XRCC4: variants seen among roughly 807,000 people sequenced by gnomAD.
XRCC4 encodes the protein X-ray repair cross complementing 4, also known as DNA repair protein XRCC4.
XRCC4 carries 28 observed loss-of-function variants against 39.1 expected under a neutral mutation model. That is an observed-to-expected ratio of 0.72 (90% CI 0.53 to 0.98). XRCC4 has a LOEUF of 0.98. XRCC4 is among the 50% of genes least tolerant of loss of function. XRCC4 has a pLI of 0.00. For missense variants in XRCC4, 350 were observed against 376.4 expected (o/e 0.93, Z 0.58); for synonymous variants, 123 against 126.4 (o/e 0.97, Z 0.18).
chr5:83,143,448 TA>T (rs1389973719), intron 3 of XRCC4, among the ~76,000 whole-genome samples: 2 of 152,100 alleles, frequency 1.3e-5, no homozygotes, highest in South Asian at 2.1e-4. Flanking sequence ...CAATCTAAAC[TA>T]AAAAAATAAA....
chr5:83,299,374 TGTA>T (rs1420262207), intron 7 of XRCC4, among the ~76,000 whole-genome samples: 1 of 152,122 alleles, frequency 6.6e-6, no homozygotes, highest in East Asian at 1.9e-4. Flanking sequence ...TACAACAAAA[TGTA>T]GGTTTCTTTT....
the XRCC4 span, among the ~76,000 whole-genome samples, chr5:83,363,532 G>A: frequency 4.6e-5 from 7 of 152,210 alleles, no homozygotes; most frequent in East Asian, 1.9e-4. Flanking sequence ...TGTGTAATCC[G>A]CCGATGCTAT....
At chr5:83,332,508 GTATT>G (rs1561479577) in intron 7 of XRCC4, among the ~76,000 whole-genome samples, 1 of 152,140 alleles carries the variant, frequency 6.6e-6, no homozygotes, top group Non-Finnish European at 1.5e-5. Context: ...TGCTTGCTAA[GTATT>G]TGTCAATCAA....
Position 83,148,134 on chromosome 5 carries a change from A to G in XRCC4, c.315+36931A>G, listed in dbSNP as rs79410360. ...AACTTTAATCAGTTTTAATTTATCA[A>G]TTAAAAATTAATTGATTAAAAAGCA... On this transcript the variant is annotated intron_variant, in intron 3 of 7. Coordinates refer to ENST00000396027, the MANE Select transcript of XRCC4 (RefSeq NM_003401.5). Among the ~76,000 whole-genome samples, 579 of 152,338 alleles carry G rather than the reference A, an allele frequency of 3.8e-3. 3 individuals carry two copies. The highest frequency in any genetic ancestry group is 0.012 in the African/African-American group (512 of 41,578).
At chr5:83,312,383 T>C (rs1755737573) in intron 7 of XRCC4, among the ~76,000 whole-genome samples, 2 of 152,174 alleles carry the variant, frequency 1.3e-5, no homozygotes, top group African/African-American at 4.8e-5. Context: ...CTAGGCACTA[T>C]CATTCCCTAT....
chr5:83,118,177 A>G (rs1746833099), intron 3 of XRCC4, among the ~76,000 whole-genome samples: 1 of 152,014 alleles, frequency 6.6e-6, no homozygotes, highest in Admixed American at 6.5e-5. Flanking sequence ...CATTTCCCCT[A>G]CTACTTAAAT....
intron 1 of XRCC4, among the ~76,000 whole-genome samples, chr5:83,079,633 A>G (rs1580186561): frequency 1.3e-5 from 2 of 152,090 alleles, no homozygotes; most frequent in East Asian, 3.9e-4. Flanking sequence ...GGCAGAAGCG[A>G]TCTATCCTCC....
At chr5:83,120,348 A>T (rs1467034291) in intron 3 of XRCC4, among the ~76,000 whole-genome samples, 2 of 152,202 alleles carry the variant, frequency 1.3e-5, no homozygotes, top group Non-Finnish European at 2.9e-5. Flanking sequence ...AAACAATTAA[A>T]TGTACTTATG....
At chr5:83,358,657 T>C (rs1023981652), downstream of XRCC4, among the ~76,000 whole-genome samples, 1 of 152,208 alleles carries the variant, frequency 6.6e-6, no homozygotes, top group Non-Finnish European at 1.5e-5. Flanking sequence ...AAATGGAATA[T>C]AGACCAGTCT....
At chr5:83,304,094 T>C (rs778286087) in intron 7 of XRCC4, among the ~76,000 whole-genome samples, 2 of 151,950 alleles carry the variant, frequency 1.3e-5, no homozygotes, top group Non-Finnish European at 2.9e-5. Context: ...ACAGATATGA[T>C]CTGAAACTGT....
At chr5:83,174,313 G>A (rs999992778) in intron 3 of XRCC4, among the ~76,000 whole-genome samples, 6 of 152,104 alleles carry the variant, frequency 3.9e-5, no homozygotes, top group African/African-American at 1.4e-4. Context: ...CCTTTTGAGT[G>A]ATACAATCAA....
intron 7 of XRCC4, among the ~76,000 whole-genome samples, chr5:83,278,807 G>A (rs1478626137): frequency 1.3e-5 from 2 of 151,378 alleles, no homozygotes; most frequent in Non-Finnish European, 2.9e-5. Context: ...GCAACATGGC[G>A]AAACCCTGTC....
intron 2 of XRCC4, 62 bp downstream of exon 2, chr5:83,105,120 G>T: frequency 6.7e-7 from 1 of 1,484,688 alleles, no homozygotes; most frequent in Non-Finnish European, 9.0e-7. Flanking sequence ...CAGTCCTCAG[G>T]GATACTTTTC....
intron 7 of XRCC4, among the ~76,000 whole-genome samples, chr5:83,285,947 T>G (rs534189346): frequency 7.9e-5 from 12 of 152,254 alleles, no homozygotes; most frequent in African/African-American, 2.9e-4. Flanking sequence ...TATTCCTTTT[T>G]TCAAAGTTTA....
chr5:83,256,093 A>G (rs1293723542), intron 6 of XRCC4, among the ~76,000 whole-genome samples: 1 of 152,206 alleles, frequency 6.6e-6, no homozygotes, highest in African/African-American at 2.4e-5. Flanking sequence ...GTCATTCAGT[A>G]TACTGATTAG....
intron 3 of XRCC4, among the ~76,000 whole-genome samples, chr5:83,188,975 A>C (rs1189983888): frequency 6.6e-6 from 1 of 152,354 alleles, no homozygotes; most frequent in East Asian, 1.9e-4. Flanking sequence ...GTATTTCTTC[A>C]TCAGCACCTA....
chr5:83,219,391 T>C (rs1281666430), intron 6 of XRCC4, among the ~76,000 whole-genome samples: 1 of 152,164 alleles, frequency 6.6e-6, no homozygotes. Context: ...AGATGTTGGC[T>C]GGGTTGCTGT....
At chr5:83,099,003 T>C (rs953394788) in intron 1 of XRCC4, among the ~76,000 whole-genome samples, 7 of 152,232 alleles carry the variant, frequency 4.6e-5, no homozygotes, top group African/African-American at 1.7e-4. Context: ...GATAAGACTT[T>C]AAAACAATCT....
chr5:83,193,460 T>C (rs1750801369), intron 3 of XRCC4, among the ~76,000 whole-genome samples: 1 of 152,180 alleles, frequency 6.6e-6, no homozygotes, highest in African/African-American at 2.4e-5. Context: ...AGAAATGACA[T>C]TTCATGTTTA....
Sources: gnomAD v4.1 joint callset for allele counts (sites outside exome capture counted in the v4.1 genomes callset) on GRCh38, gnomAD v4.1.1 for gene constraint, MANE v1.5 for transcripts, NCBI Gene and HGNC (gene_info 2026-07-23, HGNC 2026-07-21) for gene names.